FHIT: variants seen among roughly 807,000 people sequenced by gnomAD.
FHIT encodes bis(5'-adenosyl)-triphosphatase.
Under a neutral mutation model 17.9 loss-of-function variants are expected in FHIT, and 19 were observed. That is an observed-to-expected ratio of 1.06 (90% CI 0.74 to 1.56). The LOEUF is 1.56. Among genes scored for constraint, FHIT ranks in the 40% most tolerant of loss-of-function variants. The pLI is 0.00. For synonymous variants in FHIT, 81 were observed against 69.7 expected (o/e 1.16, Z -0.81); for missense variants, 248 against 189.2 (o/e 1.31, Z -1.82).
At chr3:61,142,725 A>T (rs1427077795) in intron 2 of FHIT, among the ~76,000 whole-genome samples, 1 of 152,216 alleles carries the variant, frequency 6.6e-6, no homozygotes, top group Non-Finnish European at 1.5e-5. Flanking sequence ...TTTCATTAGG[A>T]CCTCTTAAGC....
chr3:59,824,520 A>C, intron 8 of FHIT, among the ~76,000 whole-genome samples: 1 of 152,288 alleles, frequency 6.6e-6, no homozygotes, highest in South Asian at 2.1e-4. Context: ...CAGCCTTTGA[A>C]TTGATAGGCC....
rs1030770301 is a variant in FHIT at position 60,424,923 on chromosome 3, C to T, written c.103+111937G>A. ...GCTCTGAAGTTTTTATCAGTAGTCA[C>T]CTTCTGCATGGATTAATAAATCAAA... is the stretch of plus-strand genomic sequence containing the variant. On this transcript the variant is annotated intron_variant, in intron 5 of 9. Transcript: ENST00000492590. Among the ~76,000 whole-genome samples the T allele has an allele frequency of 1.5e-4, 23 of 152,218 alleles. No individual in the cohort carries two copies. In the South Asian group the frequency reaches 3.9e-3, roughly 26 times the overall value.
intron 5 of FHIT, among the ~76,000 whole-genome samples, chr3:60,173,915 A>ATATATTTTTTTTTT: frequency 2.3e-4 from 15 of 66,434 alleles, no homozygotes; most frequent in Non-Finnish European, 3.0e-4. Context: ...ATATATATAT[A>ATATATTTTTTTTTT]TGTTTTTTTT....
intron 3 of FHIT, among the ~76,000 whole-genome samples, chr3:60,828,324 T>C (rs1423388130): frequency 1.3e-5 from 2 of 152,210 alleles, no homozygotes; most frequent in African/African-American, 2.4e-5. Context: ...TATTATTATA[T>C]TTAACCTTAC....
intron 3 of FHIT, among the ~76,000 whole-genome samples, chr3:60,822,924 T>C (rs776294526): frequency 6.6e-6 from 1 of 152,186 alleles, no homozygotes; most frequent in African/African-American, 2.4e-5. Context: ...TCATGTACAC[T>C]TCTTTGAAAT....
At chr3:60,758,484 C>A (rs1699525971) in intron 4 of FHIT, among the ~76,000 whole-genome samples, 1 of 152,110 alleles carries the variant, frequency 6.6e-6, no homozygotes, top group Non-Finnish European at 1.5e-5. Flanking sequence ...GTTCATATAA[C>A]TCAAAAGGTT....
chr3:59,762,717 C>T (rs1029311691), intron 8 of FHIT, among the ~76,000 whole-genome samples: 1 of 152,200 alleles, frequency 6.6e-6, no homozygotes, highest in Non-Finnish European at 1.5e-5. Flanking sequence ...CCGGAGGGCC[C>T]TGCTGGAAAA....
chr3:59,771,988 C>A (rs957933556), intron 8 of FHIT, among the ~76,000 whole-genome samples: 1 of 152,178 alleles, frequency 6.6e-6, no homozygotes, highest in Non-Finnish European at 1.5e-5. Context: ...AAGGATACAT[C>A]TGCCTCCAAG....
At chr3:60,563,127 C>G (rs2037012042) in intron 4 of FHIT, among the ~76,000 whole-genome samples, 1 of 152,110 alleles carries the variant, frequency 6.6e-6, no homozygotes, top group African/African-American at 2.4e-5. Flanking sequence ...GGACAATAGC[C>G]AAGCAAGCAT....
intron 4 of FHIT, among the ~76,000 whole-genome samples, chr3:60,697,439 A>G (rs1553700897): frequency 6.6e-6 from 1 of 152,162 alleles, no homozygotes; most frequent in African/African-American, 2.4e-5. Context: ...ATTATATTTC[A>G]CAATTTTATT....
At chr3:60,920,339 T>C (rs1707215034) in intron 3 of FHIT, among the ~76,000 whole-genome samples, 1 of 152,172 alleles carries the variant, frequency 6.6e-6, no homozygotes, top group Non-Finnish European at 1.5e-5. Context: ...CAATTTAAAT[T>C]GCATTAGCTT....
At chr3:60,766,060 A>G (rs1424539853) in intron 4 of FHIT, among the ~76,000 whole-genome samples, 1 of 151,916 alleles carries the variant, frequency 6.6e-6, no homozygotes, top group African/African-American at 2.4e-5. Flanking sequence ...CTCTCTCTCA[A>G]TTTGCAGACA....
chr3:60,951,244 C>T (rs1212954263), intron 3 of FHIT, among the ~76,000 whole-genome samples: 1 of 152,122 alleles, frequency 6.6e-6, no homozygotes, highest in South Asian at 2.1e-4. Context: ...GTTGGAGTCT[C>T]AAATCATCCA....
chr3:60,779,919 G>C (rs1268165976), intron 4 of FHIT, among the ~76,000 whole-genome samples: 1 of 152,186 alleles, frequency 6.6e-6, no homozygotes, highest in African/African-American at 2.4e-5. Flanking sequence ...ACTGACAGCA[G>C]GGGAGATAGG....
At chr3:60,948,037 G>A (rs1708713788) in intron 3 of FHIT, among the ~76,000 whole-genome samples, 1 of 152,110 alleles carries the variant, frequency 6.6e-6, no homozygotes, top group Non-Finnish European at 1.5e-5. Context: ...AGCCTCTGTA[G>A]GGTTACTCAG....
At chr3:60,649,086 C>T (rs1164786056) in intron 4 of FHIT, among the ~76,000 whole-genome samples, 1 of 152,130 alleles carries the variant, frequency 6.6e-6, no homozygotes, top group Non-Finnish European at 1.5e-5. Context: ...AAGAACAGTG[C>T]AAAGATATAC....
chr3:60,855,453 C>T (rs566404419), intron 3 of FHIT, among the ~76,000 whole-genome samples: 4 of 152,174 alleles, frequency 2.6e-5, no homozygotes, highest in South Asian at 4.1e-4. Context: ...CTGTAGAAGC[C>T]GTCTTGTGAC....
At chr3:60,317,978 A>T (rs1709243215) in intron 5 of FHIT, among the ~76,000 whole-genome samples, 1 of 151,810 alleles carries the variant, frequency 6.6e-6, no homozygotes, top group Non-Finnish European at 1.5e-5. Context: ...TTTTGGTAGA[A>T]ACGGGGTTTT....
At chr3:59,897,294 G>C (rs1017658229) in intron 8 of FHIT, among the ~76,000 whole-genome samples, 2 of 152,162 alleles carry the variant, frequency 1.3e-5, no homozygotes, top group African/African-American at 2.4e-5. Context: ...AAATTGCACA[G>C]CACAGCTCTA....
Sources: allele counts gnomAD v4.1 joint callset (sites outside exome capture counted in the v4.1 genomes callset), GRCh38; gene constraint gnomAD v4.1.1; transcripts MANE v1.5; gene names NCBI Gene and HGNC (gene_info 2026-07-23, HGNC 2026-07-21).